SMYD3: variants seen among roughly 807,000 people sequenced by gnomAD.
SMYD3 encodes the protein histone-lysine N-methyltransferase SMYD3.
In SMYD3, 36 loss-of-function variants were observed where a neutral mutation model predicts 57.7. The ratio of observed to expected loss-of-function variants is 0.62; its 90% CI spans 0.48 to 0.82. The LOEUF (loss-of-function observed/expected upper bound fraction) is 0.82, where lower values mean the gene tolerates loss of function less well. Ranked by LOEUF, SMYD3 falls within the 40% of genes least tolerant of loss-of-function variation. The probability of loss-of-function intolerance (pLI) is 0.00; values close to 1 mark genes in which losing one functional copy is unlikely to be tolerated. For missense variants in SMYD3, 515 were observed against 538.8 expected (o/e 0.96, Z 0.44); for synonymous variants, 211 against 195.0 (o/e 1.08, Z -0.68).
At chr1:245,839,668 A>G (rs2050301788) in intron 10 of SMYD3, among the ~76,000 whole-genome samples, 1 of 152,092 alleles carries the variant, frequency 6.6e-6, no homozygotes, top group Non-Finnish European at 1.5e-5. Context: ...TGATTTGTGT[A>G]CTTTCAGTGG....
At chr1:246,076,321 C>CTA (rs2060546019) in intron 5 of SMYD3, among the ~76,000 whole-genome samples, 2 of 152,304 alleles carry the variant, frequency 1.3e-5, no homozygotes, top group Non-Finnish European at 2.9e-5. Flanking sequence ...ACTTCATTTC[C>CTA]TATATATAGT....
Position 246,330,442 on chromosome 1 carries a change from T to G in SMYD3, c.394+38A>C, listed in dbSNP as rs138843548. 8.9e-4 allele frequency: 1,330 copies of G among 1,499,416 alleles called. 8 individuals carry two copies. In the African/African-American group the frequency reaches 0.012, roughly 14 times the overall value. 92.9% of individuals were successfully genotyped at this position (1,499,416 alleles called of 1,614,324 possible). On this transcript the variant is annotated intron_variant, in intron 4 of 11. Transcript: ENST00000490107. Reference sequence around the variant, plus strand: ...ATTCACCAACTCAGCAAACAAATTATAGAAACTTTTTTAAGATGCTGATAG... The same window carrying G: ...ATTCACCAACTCAGCAAACAAATTAGAGAAACTTTTTTAAGATGCTGATAG...
intron 10 of SMYD3, among the ~76,000 whole-genome samples, chr1:245,773,991 A>G (rs1158487078): frequency 6.6e-6 from 1 of 152,260 alleles, no homozygotes; most frequent in East Asian, 1.9e-4. Context: ...GTTGGTTTAT[A>G]TTCTACTCCT....
At position 246,379,251 on chromosome 1, in the gene SMYD3, G is replaced by T. The variant is rs76737002; in HGVS notation, c.165-24157C>A. On this transcript the variant is annotated intron_variant, in intron 1 of 11. Transcript: ENST00000490107. ...AAATAATAATAATAACATTACATGGGTGTAATAAGAATAAAACTTTTAAAA... is the reference window on the plus strand; with the variant it reads ...AAATAATAATAATAACATTACATGGTTGTAATAAGAATAAAACTTTTAAAA... 9.3e-3 allele frequency among the ~76,000 whole-genome samples: 1,395 copies of T among 150,094 alleles called. 27 individuals carry two copies. Among genetic ancestry groups the T allele is most frequent in the African/African-American group, 0.032 (1,293 of 40,984 alleles).
At chr1:246,244,376 T>C (rs12057323) in intron 5 of SMYD3, among the ~76,000 whole-genome samples, 31,534 of 151,482 alleles carry the variant, frequency 0.21, 3,982 homozygotes, top group East Asian at 0.58. Flanking sequence ...ATTCTACTTG[T>C]GAGTGTGGAA....
At chr1:246,169,545 G>GA (rs2062290015) in intron 5 of SMYD3, among the ~76,000 whole-genome samples, 1 of 152,076 alleles carries the variant, frequency 6.6e-6, no homozygotes, top group Admixed American at 6.6e-5. Context: ...GATCACAGGT[G>GA]AAAAAAGATA....
At chr1:246,365,012 G>A (rs2066075074) in intron 1 of SMYD3, among the ~76,000 whole-genome samples, 1 of 152,144 alleles carries the variant, frequency 6.6e-6, no homozygotes, top group Non-Finnish European at 1.5e-5. Flanking sequence ...AAAGAGACTT[G>A]AAGGTTAAAA....
At chr1:246,261,406 C>T (rs1386168402) in intron 5 of SMYD3, among the ~76,000 whole-genome samples, 1 of 151,158 alleles carries the variant, frequency 6.6e-6, no homozygotes. Context: ...GCATTTTATG[C>T]TTTAATGATA....
intron 8 of SMYD3, among the ~76,000 whole-genome samples, chr1:245,872,104 ATGCT>A (rs1297704341): frequency 6.6e-6 from 1 of 152,194 alleles, no homozygotes; most frequent in Non-Finnish European, 1.5e-5. Context: ...GGCTTTCATG[ATGCT>A]TGCTCTACTG....
At chr1:246,380,686 G>C (rs2066372918) in intron 1 of SMYD3, among the ~76,000 whole-genome samples, 1 of 152,196 alleles carries the variant, frequency 6.6e-6, no homozygotes, top group African/African-American at 2.4e-5. Context: ...TGCTACGACA[G>C]AGGCAGAATA....
chr1:246,260,151 T>A (rs77525599), intron 5 of SMYD3, among the ~76,000 whole-genome samples: 4,582 of 152,240 alleles, frequency 0.03, 309 homozygotes, highest in East Asian at 0.24. Context: ...CTGACCCAAG[T>A]AAGCTTGTGC....
intron 5 of SMYD3, among the ~76,000 whole-genome samples, chr1:246,138,288 T>TA (rs1387050092): frequency 1.3e-5 from 2 of 152,046 alleles, no homozygotes; most frequent in Non-Finnish European, 2.9e-5. Flanking sequence ...ATATTTGCAT[T>TA]AAAACAGTTG....
intron 5 of SMYD3, among the ~76,000 whole-genome samples, chr1:246,049,336 G>A (rs10399829): frequency 0.35 from 53,272 of 151,710 alleles, 11,079 homozygotes; most frequent in East Asian, 0.55. Context: ...TCGCTCTGTC[G>A]CCCAGGCTGG....
chr1:246,329,760 C>T (rs1289542009), intron 4 of SMYD3, among the ~76,000 whole-genome samples: 1 of 152,036 alleles, frequency 6.6e-6, no homozygotes, highest in African/African-American at 2.4e-5. Flanking sequence ...AATTTATTAC[C>T]ATGGGAACTT....
chr1:245,791,247 A>T (rs934022302), intron 10 of SMYD3, among the ~76,000 whole-genome samples: 1 of 152,204 alleles, frequency 6.6e-6, no homozygotes. Context: ...GGGGAATAAA[A>T]TCAGTTGGGG....
At chr1:246,220,818 G>A (rs1446829013) in intron 5 of SMYD3, among the ~76,000 whole-genome samples, 1 of 152,182 alleles carries the variant, frequency 6.6e-6, no homozygotes, top group Non-Finnish European at 1.5e-5. Context: ...TCCCCTCTGA[G>A]GCCTGTAAAT....
chr1:246,028,282 G>A (rs1327590123), intron 5 of SMYD3, among the ~76,000 whole-genome samples: 1 of 151,818 alleles, frequency 6.6e-6, no homozygotes, highest in South Asian at 2.1e-4. Context: ...CATCCAAATT[G>A]GAAAAAAGGA....
intron 5 of SMYD3, among the ~76,000 whole-genome samples, chr1:246,145,057 C>T (rs1041364331): frequency 6.6e-6 from 1 of 152,194 alleles, no homozygotes; most frequent in Non-Finnish European, 1.5e-5. Context: ...CTGTGTTGCT[C>T]AGGCTGGAGT....
At chr1:246,331,963 C>T (rs766361488) in intron 3 of SMYD3, among the ~76,000 whole-genome samples, 1 of 44,632 alleles carries the variant, frequency 2.2e-5, no homozygotes, top group South Asian at 5.3e-4. Flanking sequence ...TCTCACTGCT[C>T]CGCCGACCGG....
Sources: allele counts gnomAD v4.1 joint callset (sites outside exome capture counted in the v4.1 genomes callset), GRCh38; gene constraint gnomAD v4.1.1; transcripts MANE v1.5; gene names NCBI Gene and HGNC (gene_info 2026-07-23, HGNC 2026-07-21).